RIMS4: variants seen among roughly 807,000 people sequenced by gnomAD.
The protein encoded by RIMS4 is regulating synaptic membrane exocytosis 4.
A neutral mutation model predicts 29.0 loss-of-function variants in RIMS4; 9 were observed. The observed-to-expected ratio is 0.31, with a 90% confidence interval of 0.19 to 0.54. RIMS4 has a LOEUF of 0.54. RIMS4 is among the 20% of genes least tolerant of loss of function. The probability of loss-of-function intolerance (pLI) is 0.94; values close to 1 mark genes in which losing one functional copy is unlikely to be tolerated. For missense variants in RIMS4, 193 were observed against 365.7 expected (o/e 0.53, Z 3.85); for synonymous variants, 130 against 152.9 (o/e 0.85, Z 1.10).
At chr20:44,776,817 A>C (rs142091738) in intron 1 of RIMS4, among the ~76,000 whole-genome samples, 1 of 152,284 alleles carries the variant, frequency 6.6e-6, no homozygotes, top group African/African-American at 2.4e-5. Context: ...CTTAATTCTC[A>C]CAATAAACCA....
At chr20:44,796,102 C>T (rs1313910868) in intron 1 of RIMS4, among the ~76,000 whole-genome samples, 1 of 151,374 alleles carries the variant, frequency 6.6e-6, no homozygotes, top group Non-Finnish European at 1.5e-5. Context: ...CCTCCCCTGC[C>T]GTGCCTTCAC....
intron 1 of RIMS4, among the ~76,000 whole-genome samples, chr20:44,774,792 T>A (rs2066152500): frequency 1.3e-5 from 2 of 152,124 alleles, no homozygotes; most frequent in Admixed American, 6.6e-5. Context: ...CTGTGGCTGA[T>A]CCATCTCCAT....
At chr20:44,778,800 G>C (rs1350931237) in intron 1 of RIMS4, among the ~76,000 whole-genome samples, 2 of 152,286 alleles carry the variant, frequency 1.3e-5, no homozygotes, top group Admixed American at 6.5e-5. Flanking sequence ...CTGAATGCCT[G>C]GGTTGTAAAC....
chr20:44,810,131 T>C (rs768191263), intron 1 of RIMS4, 44 bp downstream of exon 1: 1 of 1,240,796 alleles, frequency 8.1e-7, no homozygotes, highest in East Asian at 3.2e-5. Context: ...CGGACCTGGA[T>C]CCCGGGACAC....
In RIMS4 at chr20:44,758,098, C is replaced by T. The variant is rs1298980566; in HGVS notation, c.323G>A (p.Arg108His). The change falls in exon 3 of 6, where the codon CGC becomes CAC. Residue 108 changes from arginine (R) to histidine (H), a missense_variant. Arg to His is a conservative substitution (Grantham distance 29). Coordinates refer to ENST00000372851, the MANE Select transcript of RIMS4 (RefSeq NM_182970.4). ...GSMGPAQFVG[R>H]QTLATTPMGD... is the part of the protein sequence containing the mutation. ...CATGGGTGTGGTGGCCAGGGTCTGG[C>T]GGCCCACAAACTGTGCCGGCCCCAT... The T allele has an allele frequency of 1.2e-6, 2 of 1,611,628 alleles. No individual in the cohort carries two copies. Among genetic ancestry groups the T allele is most frequent in the Non-Finnish European group, 8.5e-7 (1 of 1,178,542 alleles).
At chr20:44,757,995 A>G in intron 3 of RIMS4, 77 bp downstream of exon 3, 1 of 1,131,688 alleles carries the variant, frequency 8.8e-7, no homozygotes, top group Non-Finnish European at 1.3e-6. Context: ...GCAAAGGGGA[A>G]GGAGGGAGAG....
intron 1 of RIMS4, among the ~76,000 whole-genome samples, chr20:44,773,322 C>G (rs953065396): frequency 2.0e-5 from 3 of 152,144 alleles, no homozygotes; most frequent in Non-Finnish European, 4.4e-5. Context: ...CCCCGACCCT[C>G]TATCTCCACT....
chr20:44,764,695 G>C (rs1785411036), intron 2 of RIMS4, among the ~76,000 whole-genome samples: 1 of 152,166 alleles, frequency 6.6e-6, no homozygotes, highest in Non-Finnish European at 1.5e-5. Flanking sequence ...TCTTATGTGG[G>C]TGCAGTTTTC....
intron 1 of RIMS4, among the ~76,000 whole-genome samples, chr20:44,783,024 T>A (rs912260413): frequency 1.3e-5 from 2 of 152,202 alleles, no homozygotes; most frequent in Admixed American, 6.5e-5. Context: ...AGGCACTCAG[T>A]AAATTGCAGC....
intron 1 of RIMS4, among the ~76,000 whole-genome samples, chr20:44,789,734 T>C (rs560681664): frequency 6.6e-6 from 1 of 152,282 alleles, no homozygotes; most frequent in South Asian, 2.1e-4. Context: ...TTTTATTTAT[T>C]ATAGAGATGG....
chr20:44,761,168 G>A (rs1433944381), intron 2 of RIMS4, among the ~76,000 whole-genome samples: 1 of 152,142 alleles, frequency 6.6e-6, no homozygotes, highest in African/African-American at 2.4e-5. Flanking sequence ...AACTCCCAGT[G>A]CTCACTAAAT....
At chr20:44,762,803 C>T (rs1300439809) in intron 2 of RIMS4, among the ~76,000 whole-genome samples, 2 of 152,176 alleles carry the variant, frequency 1.3e-5, no homozygotes, top group Non-Finnish European at 2.9e-5. Context: ...CGGGTCTTCC[C>T]TGGAGTACAC....
intron 1 of RIMS4, among the ~76,000 whole-genome samples, chr20:44,803,448 C>T (rs1168086486): frequency 6.6e-6 from 1 of 152,180 alleles, no homozygotes; most frequent in African/African-American, 2.4e-5. Context: ...CCAGCTGGTC[C>T]ATCCAGAGAA....
intron 2 of RIMS4, among the ~76,000 whole-genome samples, chr20:44,759,827 C>T (rs2066076628): frequency 6.6e-6 from 1 of 152,230 alleles, no homozygotes; most frequent in African/African-American, 2.4e-5. Context: ...CCGATTCTTC[C>T]CTGAACCATT....
chr20:44,807,012 C>T (rs185381581), intron 1 of RIMS4, among the ~76,000 whole-genome samples: 107 of 152,236 alleles, frequency 7.0e-4, no homozygotes, highest in African/African-American at 2.6e-3. Flanking sequence ...CTTACAGATA[C>T]GAAACCGAGG....
chr20:44,796,813 T>G (rs2066257091), intron 1 of RIMS4, among the ~76,000 whole-genome samples: 1 of 152,228 alleles, frequency 6.6e-6, no homozygotes, highest in African/African-American at 2.4e-5. Flanking sequence ...GAACAAATGC[T>G]TGGAAGAGCT....
intron 2 of RIMS4, among the ~76,000 whole-genome samples, chr20:44,761,012 C>T (rs964818190): frequency 2.1e-4 from 32 of 152,094 alleles, no homozygotes; most frequent in African/African-American, 7.2e-4. Context: ...TACCCTGGGC[C>T]TGTTCTAGAA....
chr20:44,760,797 T>G (rs540015390), intron 2 of RIMS4, among the ~76,000 whole-genome samples: 1 of 152,362 alleles, frequency 6.6e-6, no homozygotes, highest in East Asian at 1.9e-4. Context: ...CAGTGATTTC[T>G]GCCCTTCAGG....
intron 3 of RIMS4, 142 bp from the exon 4 acceptor site, chr20:44,757,913 G>T: frequency 1.1e-6 from 1 of 947,822 alleles, no homozygotes. Context: ...CCCACCAAGT[G>T]CCTAGGCTCT....
Sources: allele counts gnomAD v4.1 joint callset (sites outside exome capture counted in the v4.1 genomes callset), GRCh38; gene constraint gnomAD v4.1.1; transcripts MANE v1.5; gene names NCBI Gene and HGNC (gene_info 2026-07-23, HGNC 2026-07-21).